HTR1E: variants seen among roughly 807,000 people sequenced by gnomAD.
HTR1E encodes 5-hydroxytryptamine receptor 1E.
HTR1E carries 3 observed loss-of-function variants against 3.4 expected under a neutral mutation model. The ratio of observed to expected loss-of-function variants is 0.89; its 90% confidence interval spans 0.41 to 2.31. The LOEUF (loss-of-function observed/expected upper bound fraction) is 2.31, where lower values mean the gene tolerates loss of function less well. HTR1E is among the 30% of genes most tolerant of loss of function. The pLI is 0.05. For missense variants in HTR1E, 392 were observed against 467.0 expected, an observed-to-expected ratio of 0.84 and a Z score of 1.48; for synonymous variants, 170 against 182.8, an observed-to-expected ratio of 0.93 and a Z score of 0.56.
chr6:86,953,018 A>G (rs1315138074), intron 1 of HTR1E, among the ~76,000 whole-genome samples: 2 of 152,214 alleles, frequency 1.3e-5, no homozygotes, highest in African/African-American at 4.8e-5. Context: ...TCACTACAAT[A>G]TAATGCAAAT....
chr6:86,980,382 G>A (rs1767695120), intron 1 of HTR1E, among the ~76,000 whole-genome samples: 1 of 126,120 alleles, frequency 7.9e-6, no homozygotes, highest in Non-Finnish European at 1.6e-5. Flanking sequence ...GCGAGACTCT[G>A]TCTCAAAAAA....
intron 1 of HTR1E, among the ~76,000 whole-genome samples, chr6:86,958,937 CGT>C (rs55871033): frequency 0.33 from 46,591 of 139,602 alleles, 7,901 homozygotes; most frequent in Middle Eastern, 0.42. Context: ...ACCAATTGCA[CGT>C]GTGTGTGTGT....
intron 1 of HTR1E, among the ~76,000 whole-genome samples, chr6:86,998,449 TTTAAG>T (rs1767974832): frequency 6.6e-6 from 1 of 152,092 alleles, no homozygotes; most frequent in Non-Finnish European, 1.5e-5. Context: ...CTCTAAAAAT[TTTAAG>T]TTAATAAATG....
chr6:87,015,362 G>C lies in HTR1E; in HGVS notation c.28G>C (p.Ala10Pro). Residue 10 changes from alanine to proline, a missense_variant, in exon 2 of 2, where the codon GCC becomes CCC. By Grantham distance (27) the Ala-to-Pro change is conservative. Transcript: ENST00000305344. MNITNCTTE[A>P]SMAIRPKTIT... ...GAACATCACAAACTGTACCACAGAG[G>C]CCAGCATGGCTATAAGACCCAAGAC... The C allele has an allele frequency of 1.3e-6, 2 of 1,586,216 alleles. No individual in the cohort carries two copies. Among genetic ancestry groups the C allele is most frequent in the South Asian group, 2.3e-5 (2 of 88,060 alleles).
intron 1 of HTR1E, among the ~76,000 whole-genome samples, chr6:86,949,504 G>T (rs781075466): frequency 1.1e-4 from 16 of 152,044 alleles, no homozygotes; most frequent in East Asian, 3.9e-4. Flanking sequence ...TCTTTCTCAA[G>T]AGCTAAGCCT....
chr6:87,009,825 C>T lies in HTR1E; in HGVS notation c.-185-5325C>T, dbSNP rs1205403152. ...CTCCCGGACGGGGCGGCTGGCCGGG[C>T]GGGGGGACTGACCCCCCCCCACCTC... On this transcript the variant is annotated intron_variant, in intron 1 of 1. Transcript: ENST00000305344. 1.1e-4 allele frequency among the ~76,000 whole-genome samples: 12 copies of T among 111,610 alleles called. 1 individual carries two copies. The highest frequency in any genetic ancestry group is 1.7e-4 in the Admixed American group (2 of 11,516). The allele number at this position is 111,610 out of a possible 152,430, so 73.2% of individuals were successfully genotyped here.
chr6:87,004,329 T>C (rs1283030340), intron 1 of HTR1E, among the ~76,000 whole-genome samples: 3 of 152,102 alleles, frequency 2.0e-5, no homozygotes, highest in Non-Finnish European at 4.4e-5. Context: ...CTAATGAACA[T>C]TGATGGAAAA....
At chr6:87,013,297 AG>A (rs1188224699) in intron 1 of HTR1E, among the ~76,000 whole-genome samples, 1 of 152,226 alleles carries the variant, frequency 6.6e-6, no homozygotes, top group East Asian at 1.9e-4. Flanking sequence ...CCTGGAAATG[AG>A]GAGCAGCGTA....
chr6:86,953,886 G>A (rs1020836880), intron 1 of HTR1E, among the ~76,000 whole-genome samples: 20 of 152,090 alleles, frequency 1.3e-4, no homozygotes, highest in African/African-American at 4.6e-4. Flanking sequence ...TTACATGGCT[G>A]GAGAAAAAGC....
chr6:86,947,326 T>C (rs118091584), intron 1 of HTR1E, among the ~76,000 whole-genome samples: 1 of 152,300 alleles, frequency 6.6e-6, no homozygotes, highest in Non-Finnish European at 1.5e-5. Flanking sequence ...AAACCAACTC[T>C]TGGTTATCTC....
chr6:86,950,492 C>A (rs1252643638), intron 1 of HTR1E, among the ~76,000 whole-genome samples: 1 of 152,182 alleles, frequency 6.6e-6, no homozygotes, highest in Non-Finnish European at 1.5e-5. Flanking sequence ...CACTTCTAGG[C>A]TGCAAAGGTA....
intron 1 of HTR1E, among the ~76,000 whole-genome samples, chr6:86,938,547 G>A (rs1768503110): frequency 6.6e-6 from 1 of 152,182 alleles, no homozygotes; most frequent in African/African-American, 2.4e-5. Context: ...TAGTGGTTTT[G>A]CATCTATATG....
chr6:86,944,368 T>A (rs142348134), intron 1 of HTR1E, among the ~76,000 whole-genome samples: 1 of 152,308 alleles, frequency 6.6e-6, no homozygotes, highest in African/African-American at 2.4e-5. Context: ...ATATAAGACA[T>A]CAGAAGCTGT....
At chr6:86,941,799 C>T (rs1362763755) in intron 1 of HTR1E, among the ~76,000 whole-genome samples, 1 of 151,736 alleles carries the variant, frequency 6.6e-6, no homozygotes, top group African/African-American at 2.4e-5. Flanking sequence ...CTCTCAGATC[C>T]TCCTAATGAC....
At chr6:86,944,968 A>C (rs1484061406) in intron 1 of HTR1E, among the ~76,000 whole-genome samples, 1 of 152,076 alleles carries the variant, frequency 6.6e-6, no homozygotes, top group African/African-American at 2.4e-5. Flanking sequence ...TGGTTTATAC[A>C]TTTACTGTAC....
intron 1 of HTR1E, among the ~76,000 whole-genome samples, chr6:86,979,895 G>A (rs763971845): frequency 6.6e-6 from 1 of 152,158 alleles, no homozygotes; most frequent in African/African-American, 2.4e-5. Context: ...CCTGACAGGA[G>A]CTATGATCAT....
At chr6:87,014,037 A>G (rs1437276803) in intron 1 of HTR1E, among the ~76,000 whole-genome samples, 2 of 151,988 alleles carry the variant, frequency 1.3e-5, no homozygotes, top group East Asian at 3.9e-4. Flanking sequence ...ACATGTTCTC[A>G]CTCATAGGTG....
At chr6:86,971,201 C>A in intron 1 of HTR1E, 2 of 385,252 alleles carry the variant, frequency 5.2e-6, no homozygotes, top group Non-Finnish European at 9.9e-6. Context: ...AAGGTGTCTA[C>A]CATGATTATT....
chr6:86,975,575 C>A (rs931233560), intron 1 of HTR1E, among the ~76,000 whole-genome samples: 1 of 151,956 alleles, frequency 6.6e-6, no homozygotes, highest in African/African-American at 2.4e-5. Flanking sequence ...GGCTCTGTTA[C>A]CCACTTTGGA....
Sources: allele counts gnomAD v4.1 joint callset (sites outside exome capture counted in the v4.1 genomes callset), GRCh38; gene constraint gnomAD v4.1.1; transcripts MANE v1.5; gene names NCBI Gene and HGNC (gene_info 2026-07-23, HGNC 2026-07-21).